Variants in ADGB observed in about 807,000 individuals in gnomAD.
ADGB encodes androglobin.
In ADGB, 172 loss-of-function variants were observed where a neutral mutation model predicts 210.5. The ratio of observed to expected loss-of-function variants is 0.82; its 90% CI spans 0.72 to 0.93. The LOEUF (loss-of-function observed/expected upper bound fraction) is 0.93. Among genes scored for constraint, ADGB ranks in the 40% least tolerant of loss-of-function variants. The pLI, the probability that ADGB is intolerant of heterozygous loss-of-function variation, is 0.00. For synonymous variants in ADGB, 658 were observed against 662.7 expected (o/e 0.99, Z 0.11); for missense variants, 2,025 against 1,964.8 (o/e 1.03, Z -0.58).
At chr6:146,657,002 TA>T in intron 5 of ADGB, 22 bp downstream of exon 5, 1 of 1,518,662 alleles carries the variant, frequency 6.6e-7, no homozygotes, top group East Asian at 2.5e-5. Context: ...TTCGTGTGCA[TA>T]AAAACTCATG....
chr6:146,629,966 G>A (rs1781035296), intron 1 of ADGB, among the ~76,000 whole-genome samples: 1 of 152,206 alleles, frequency 6.6e-6, no homozygotes, highest in South Asian at 2.1e-4. Context: ...GCTAGGCACT[G>A]TGGCTCGTGC....
chr6:146,794,518 A>C (rs896385998), intron 33 of ADGB, among the ~76,000 whole-genome samples: 1 of 152,296 alleles, frequency 6.6e-6, no homozygotes, highest in East Asian at 1.9e-4. Context: ...TTTGTAGTAA[A>C]TTACATTTCT....
rs201805934 is a variant in ADGB at position 146,806,504 on chromosome 6, A to G, written c.4818+4493A>G. ...AATCCAGTTTTATTATGGTAGCTACAGTATTATCTTTTGTAAAAACTTCGG... is the reference window on the plus strand; with the variant it reads ...AATCCAGTTTTATTATGGTAGCTACGGTATTATCTTTTGTAAAAACTTCGG... On this transcript the variant is annotated intron_variant, in intron 35 of 35. Transcript: ENST00000397944. 9.9e-5 allele frequency among the ~76,000 whole-genome samples: 15 copies of G among 152,270 alleles called. No individual in the cohort carries two copies. In the East Asian group the frequency reaches 2.9e-3, roughly 29 times the overall value.
intron 2 of ADGB, among the ~76,000 whole-genome samples, chr6:146,636,586 GAGAGAGAGAA>G (rs774458166): frequency 6.6e-6 from 1 of 150,896 alleles, no homozygotes; most frequent in African/African-American, 2.5e-5. Flanking sequence ...AAAACTTATG[GAGAGAGAGAA>G]AGAGAGAGAG....
rs756538783 is a variant in ADGB, at chr6:146,736,487, A to G, written c.2795-11A>G. The G allele has an allele frequency of 6.8e-7, 1 of 1,477,794 alleles. No individual in the cohort carries two copies. Among genetic ancestry groups the G allele is most frequent in the Admixed American group, 2.3e-5 (1 of 44,284 alleles). The allele number at this position is 1,477,794 out of a possible 1,614,324, so 91.5% of individuals were successfully genotyped here. A position where few individuals can be genotyped will look rare whatever the true frequency, so the allele number is the denominator to read the frequency against. On this transcript the variant is annotated splice_polypyrimidine_tract_variant and intron_variant, in intron 22 of 35. Transcript: ENST00000397944. Reference sequence around the variant, plus strand: ...AAGCTTAACGTTTTTATTATTTATTATTATTTTTAGACACAAAAGAAAATA... The same window carrying G: ...AAGCTTAACGTTTTTATTATTTATTGTTATTTTTAGACACAAAAGAAAATA...
At chr6:146,703,536 A>G (rs148892667) in intron 13 of ADGB, among the ~76,000 whole-genome samples, 1,712 of 151,984 alleles carry the variant, frequency 0.011, 16 homozygotes, top group Non-Finnish European at 0.017. Flanking sequence ...AGCCCCTGGT[A>G]ACTACCATTC....
chr6:146,670,918 T>A (rs1234965851), intron 7 of ADGB, among the ~76,000 whole-genome samples: 1 of 152,220 alleles, frequency 6.6e-6, no homozygotes. Context: ...CTGCAGAGGA[T>A]AATACTTGAA....
intron 35 of ADGB, chr6:146,803,273 A>C (rs1778159270): frequency 6.2e-7 from 1 of 1,603,832 alleles, no homozygotes; most frequent in Non-Finnish European, 8.5e-7. Flanking sequence ...GAGAAACCTC[A>C]GAAAAAAACC....
chr6:146,731,357 C>CGA (rs1554243890), intron 20 of ADGB, among the ~76,000 whole-genome samples: 1 of 143,622 alleles, frequency 7.0e-6, no homozygotes, highest in African/African-American at 2.5e-5. Flanking sequence ...CACCATATGA[C>CGA]AAAAAAAAAA....
chr6:146,670,921 T>C (rs76685386), intron 7 of ADGB, among the ~76,000 whole-genome samples: 2,515 of 152,304 alleles, frequency 0.017, 60 homozygotes, highest in African/African-American at 0.05. Flanking sequence ...CAGAGGATAA[T>C]ACTTGAATTT....
intron 11 of ADGB, 133 bp downstream of exon 11, chr6:146,691,423 T>TAAAAC (rs1299367839): frequency 3.6e-4 from 17 of 47,142 alleles, no homozygotes; most frequent in South Asian, 1.6e-3. Context: ...TATATATATA[T>TAAAAC]ATATATATAT....
intron 29 of ADGB, among the ~76,000 whole-genome samples, chr6:146,772,076 T>G (rs1303889274): frequency 6.6e-6 from 1 of 152,134 alleles, no homozygotes; most frequent in Non-Finnish European, 1.5e-5. Flanking sequence ...TTTATAGCAA[T>G]TATAAATTAT....
At chr6:146,602,588 C>T (rs543614087) in intron 1 of ADGB, among the ~76,000 whole-genome samples, 1 of 152,252 alleles carries the variant, frequency 6.6e-6, no homozygotes, top group South Asian at 2.1e-4. Context: ...TTGTTTCTCA[C>T]AGTTCTGGAG....
At chr6:146,809,367 G>C (rs184908486) in intron 35 of ADGB, among the ~76,000 whole-genome samples, 2 of 152,144 alleles carry the variant, frequency 1.3e-5, no homozygotes, top group Admixed American at 1.3e-4. Flanking sequence ...CACCACGCCC[G>C]GCTAATTTTG....
At position 146,706,976 on chromosome 6, in the gene ADGB, A is replaced by G. The variant is rs184630668; in HGVS notation, c.1707+5906A>G. On this transcript the variant is annotated intron_variant, in intron 13 of 35. Coordinates refer to ENST00000397944, the MANE Select transcript of ADGB (RefSeq NM_024694.4). ...CCTGAGGTGTAACATTATGTTTTAA[A>G]TTTGAAATTCTTCTTTAAATTTCCC... Among the ~76,000 whole-genome samples the G allele has an allele frequency of 5.9e-4, 89 of 150,626 alleles. 1 individual carries two copies. Among genetic ancestry groups the G allele is most frequent in the Middle Eastern group, 3.4e-3 (1 of 290 alleles).
At chr6:146,642,609 G>T (rs1019817935) in intron 2 of ADGB, among the ~76,000 whole-genome samples, 8 of 151,930 alleles carry the variant, frequency 5.3e-5, no homozygotes, top group Middle Eastern at 3.2e-3. Context: ...GTCTTTTGCG[G>T]GAACATGGAT....
intron 32 of ADGB, among the ~76,000 whole-genome samples, chr6:146,787,415 G>A (rs150146333): frequency 6.6e-6 from 1 of 152,186 alleles, no homozygotes; most frequent in African/African-American, 2.4e-5. Context: ...TACCCCGTAT[G>A]TCTCACTATT....
At chr6:146,803,364 T>C in intron 35 of ADGB, 1 of 1,607,100 alleles carries the variant, frequency 6.2e-7, no homozygotes, top group Non-Finnish European at 8.5e-7. Flanking sequence ...ACTGTCATGG[T>C]GTAATTTTTC....
At chr6:146,633,357 C>A (rs1781092288) in intron 1 of ADGB, among the ~76,000 whole-genome samples, 1 of 152,042 alleles carries the variant, frequency 6.6e-6, no homozygotes, top group Admixed American at 6.6e-5. Context: ...CAAGAATTAT[C>A]ATCAAATTCT....
Sources: allele counts gnomAD v4.1 joint callset (sites outside exome capture counted in the v4.1 genomes callset), GRCh38; gene constraint gnomAD v4.1.1; transcripts MANE v1.5; gene names NCBI Gene and HGNC (gene_info 2026-07-23, HGNC 2026-07-21).